FAM110A: variants seen among roughly 807,000 people sequenced by gnomAD.
FAM110A encodes the protein family with sequence similarity 110 member A.
A neutral mutation model predicts 4.0 loss-of-function variants in FAM110A; 1 was observed. That is an observed-to-expected ratio of 0.25 (90% CI 0.09 to 1.20). The LOEUF (loss-of-function observed/expected upper bound fraction) is 1.20. FAM110A is among the 50% of genes most tolerant of loss of function. The pLI is 0.50. For synonymous variants in FAM110A, 217 were observed against 196.8 expected (o/e 1.10, Z -0.86); for missense variants, 436 against 429.2 (o/e 1.02, Z -0.14).
At position 845,149 on chromosome 20, in the gene FAM110A, C is replaced by A. The variant is rs1273529447; in HGVS notation, c.345C>A (p.Asp115Glu). 6.3e-7 allele frequency: 1 copy of A among 1,577,644 alleles called. No individual in the cohort carries two copies. The highest frequency in any genetic ancestry group is 8.6e-7 in the Non-Finnish European group (1 of 1,164,762). The change falls in exon 2 of 2, where the codon GAC becomes GAA. Residue 115 changes from aspartate (D) to glutamate (E), a missense_variant. Physicochemically the swap from Asp to Glu is conservative, Grantham distance 45. Coordinates refer to ENST00000381941, the MANE Select transcript of FAM110A (RefSeq NM_001042353.3). ...DILSSLIDLC[D>E]SPVSPAEASR... The stretch of plus-strand genomic sequence containing the variant: ...TCAGCAGCCTCATCGACTTGTGTGA[C>A]AGCCCCGTGTCCCCTGCCGAGGCCA...
Position 844,698 on chromosome 20 carries a change from T to C in FAM110A, c.-97-10T>C. 7.9e-7 allele frequency: 1 copy of C among 1,262,018 alleles called. No homozygotes were observed. The allele number at this position is 1,262,018 out of a possible 1,614,324, so 78.2% of individuals were successfully genotyped here. On this transcript the variant is annotated splice_polypyrimidine_tract_variant and intron_variant, in intron 1 of 1. Coordinates refer to ENST00000381941, the MANE Select transcript of FAM110A (RefSeq NM_001042353.3). ...GGCTTTTTTTTTTTTTTCTCTCTCC[T>C]TCCCTGCAGCAGTGGCCGGTGTCCA...
chr20:841,670 C>T (rs1173482957), intron 1 of FAM110A, among the ~76,000 whole-genome samples: 1 of 152,128 alleles, frequency 6.6e-6, no homozygotes, highest in Non-Finnish European at 1.5e-5. Context: ...GGTGGGGATG[C>T]GCGCCCCCGG....
intron 1 of FAM110A, chr20:836,255 GGGT>G (rs1395834786): frequency 7.1e-6 from 1 of 141,352 alleles, no homozygotes; most frequent in African/African-American, 2.6e-5. Flanking sequence ...TTGGGGGGGG[GGGT>G]GGGGTGGGGC....
chr20:839,475 C>T, intron 1 of FAM110A: 2 of 855,050 alleles, frequency 2.3e-6, no homozygotes, highest in South Asian at 1.3e-5. Context: ...ACGTCCACGA[C>T]CACATCTGCC....
chr20:837,901 C>G (rs1979664946), intron 1 of FAM110A, among the ~76,000 whole-genome samples: 1 of 151,822 alleles, frequency 6.6e-6, no homozygotes, highest in South Asian at 2.1e-4. Context: ...GCTTAGGGAC[C>G]CTGTCCTTTT....
intron 1 of FAM110A, chr20:835,922 GGAAA>G (rs1176711029): frequency 6.6e-6 from 1 of 152,218 alleles, no homozygotes; most frequent in Admixed American, 6.5e-5. Flanking sequence ...TCTGCTGAAG[GGAAA>G]GAAAGAAGCA....
chr20:838,474 A>G (rs528414237), intron 1 of FAM110A, among the ~76,000 whole-genome samples: 2 of 152,290 alleles, frequency 1.3e-5, no homozygotes, highest in Admixed American at 1.3e-4. Context: ...GATGGAGCTC[A>G]TGGTCCAGTG....
In FAM110A at chr20:840,907, G is replaced by A. The variant is rs898492857; in HGVS notation, c.-97-3801G>A. 6.6e-6 allele frequency among the ~76,000 whole-genome samples: 1 copy of A among 152,184 alleles called. No individual in the cohort carries two copies. The highest frequency in any genetic ancestry group is 1.5e-5 in the Non-Finnish European group (1 of 68,038). ...TTGGGAAGATTAAAATGGGTTACCC[G>A]ATACCAAGAAAAACACTTTCCCGTG... On this transcript the variant is annotated intron_variant, in intron 1 of 1. Transcript: ENST00000381941. The surrounding 1 kb of genome is among the most constrained non-coding windows in gnomAD (Gnocchi z 4.4).
In FAM110A at chr20:833,858, C is replaced by G. The variant is rs1163879688; in HGVS notation, c.-191C>G. 1.3e-5 allele frequency: 2 copies of G among 152,300 alleles called. No homozygotes were observed. Among genetic ancestry groups the G allele is most frequent in the East Asian group, 3.9e-4 (2 of 5,184 alleles). 9.4% of individuals were successfully genotyped at this position (152,300 alleles called of 1,614,324 possible). A position where few individuals can be genotyped will look rare whatever the true frequency, so the allele number is the denominator to read the frequency against. ...CGCGGGGCTGGGGCCTCCTGGGCGT[C>G]GTTGGGAGCGGCCACTACCGGCCCG... On this transcript the variant is annotated 5_prime_UTR_variant, in exon 1 of 2. Transcript: ENST00000381941. The surrounding 1 kb of genome is among the most constrained non-coding windows in gnomAD (Gnocchi z 4.1).
chr20:845,665 T>C lies in FAM110A; in HGVS notation c.861T>C (p.Ala287=). Residue 287 remains alanine (A), a synonymous_variant, in exon 2 of 2, where the codon GCT becomes GCC. Coordinates refer to ENST00000381941, the MANE Select transcript of FAM110A (RefSeq NM_001042353.3). ...VIKWLYGLRQ[A]RESPAAEG ...AGTGGTTGTATGGGCTAAGGCAGGC[T>C]CGGGAGAGCCCAGCAGCTGAAGGCT... is the stretch of plus-strand genomic sequence containing the variant. 6.2e-7 allele frequency: 1 copy of C among 1,614,028 alleles called. No individual in the cohort carries two copies. Among genetic ancestry groups the C allele is most frequent in the Non-Finnish European group, 8.5e-7 (1 of 1,180,028 alleles).
chr20:835,188 C>CTA lies in FAM110A; in HGVS notation c.-98+1238_-98+1239insAT, dbSNP rs1421592795. 3.1e-3 allele frequency among the ~76,000 whole-genome samples: 398 copies of CTA among 128,712 alleles called. 4 individuals are homozygous for CTA. The highest frequency in any genetic ancestry group is 0.012 in the African/African-American group (383 of 32,286). The allele number at this position is 128,712 out of a possible 152,430, so 84.4% of individuals were successfully genotyped here. A position where few individuals can be genotyped will look rare whatever the true frequency, so the allele number is the denominator to read the frequency against. ...CATCTCTCTCTCTCTCTCTCTCTCT[C>CTA]TCTCTCTCTCTCTATATATATATAT... On this transcript the variant is annotated intron_variant, in intron 1 of 1. Transcript: ENST00000381941.
chr20:842,793 T>C (rs552151), intron 1 of FAM110A, among the ~76,000 whole-genome samples: 57,781 of 152,010 alleles, frequency 0.38, 11,486 homozygotes, highest in African/African-American at 0.49. Context: ...CCTGGAACAA[T>C]ACACCTACCA....
In FAM110A at chr20:844,989, C is replaced by A. The variant is rs750183788; in HGVS notation, c.185C>A (p.Thr62Asn). The change falls in exon 2 of 2, where the codon ACC becomes AAC. Residue 62 changes from threonine (T) to asparagine (N), a missense_variant. Thr to Asn is a moderately conservative substitution (Grantham distance 65, BLOSUM62 0). Transcript: ENST00000381941. ...GTCAAGAGCCTGCACGTGGCCAACACCCGCCAGGAGCCTGTGCAGCCCCTG... is the reference window on the plus strand; with the variant it reads ...GTCAAGAGCCTGCACGTGGCCAACAACCGCCAGGAGCCTGTGCAGCCCCTG... ...KYVKSLHVAN[T>N]RQEPVQPLLS... The A allele has an allele frequency of 1.3e-6, 2 of 1,596,594 alleles. No individual in the cohort carries two copies. Among genetic ancestry groups the A allele is most frequent in the Admixed American group, 1.7e-5 (1 of 57,854 alleles).
Position 845,201 on chromosome 20 carries a change from G to T in FAM110A, c.397G>T (p.Ala133Ser). 1 of 1,557,228 alleles carries T rather than the reference G, an allele frequency of 6.4e-7. No homozygotes were observed. Among genetic ancestry groups the T allele is most frequent in the South Asian group, 1.2e-5 (1 of 84,448 alleles). ...CCGCACTCCTGGACGGGCCGAGGGA[G>T]CCGGCCGTCCTCCCCCAGCCACCCC... ...ASRTPGRAEG[A>S]GRPPPATPPR... Residue 133 changes from alanine (A) to serine (S), a missense_variant, in exon 2 of 2, where the codon GCC becomes TCC. By Grantham distance (99) the Ala-to-Ser change is moderately conservative. Coordinates refer to ENST00000381941, the MANE Select transcript of FAM110A (RefSeq NM_001042353.3).
chr20:843,780 G>T (rs905470420), intron 1 of FAM110A, among the ~76,000 whole-genome samples: 3 of 152,208 alleles, frequency 2.0e-5, no homozygotes, highest in African/African-American at 7.2e-5. Context: ...GGGTGACCAC[G>T]TAGACACTTG....
intron 1 of FAM110A, among the ~76,000 whole-genome samples, chr20:838,163 A>G (rs1290041862): frequency 6.6e-6 from 1 of 152,210 alleles, no homozygotes; most frequent in Non-Finnish European, 1.5e-5. Flanking sequence ...AACCTGGGCA[A>G]CACAGTGAGA....
intron 1 of FAM110A, among the ~76,000 whole-genome samples, chr20:843,577 G>A (rs1980065523): frequency 6.6e-6 from 1 of 152,196 alleles, no homozygotes; most frequent in Admixed American, 6.5e-5. Flanking sequence ...TGAACTGTAA[G>A]CCTTCTTGGG....
rs576384 is a variant in FAM110A, at chr20:833,738, G to A, written c.-311G>A. 6.6e-6 allele frequency: 1 copy of A among 152,264 alleles called. No homozygotes were observed. Among genetic ancestry groups the A allele is most frequent in the African/African-American group, 2.4e-5 (1 of 41,468 alleles). 9.4% of individuals were successfully genotyped at this position (152,264 alleles called of 1,614,324 possible). On this transcript the variant is annotated 5_prime_UTR_variant, in exon 1 of 2. Transcript: ENST00000381941. This position sits in a 1 kb window ranked among gnomAD's most constrained non-coding sequence, Gnocchi z 4.1. Reference sequence around the variant, plus strand: ...TCACTTCCCCTTCCACGGCGCCCCAGGGACTTTCCCTGCGGTGGGGGCCTT... The same window carrying A: ...TCACTTCCCCTTCCACGGCGCCCCAAGGACTTTCCCTGCGGTGGGGGCCTT...
Position 836,884 on chromosome 20 carries a change from A to AT in FAM110A, c.-98+2943dup, listed in dbSNP as rs1049566319. ...CCAACACTTGTTATTTTCTGTTTGT[A>AT]TTTTTTTTTTGGTAATGGCCATCTT... On this transcript the variant is annotated intron_variant, in intron 1 of 1. Transcript: ENST00000381941. Among the ~76,000 whole-genome samples the AT allele has an allele frequency of 4.5e-4, 67 of 147,734 alleles. 1 individual carries two copies. The South Asian group carries it at 4.9e-3, about 11-fold the overall frequency.
Sources: allele counts gnomAD v4.1 joint callset (sites outside exome capture counted in the v4.1 genomes callset), GRCh38; gene constraint gnomAD v4.1.1; non-coding constraint Gnocchi (gnomAD v3.1); transcripts MANE v1.5; gene names NCBI Gene and HGNC (gene_info 2026-07-23, HGNC 2026-07-21).